CENPF: variants seen among roughly 807,000 people sequenced by gnomAD.
CENPF encodes the protein centromere protein F, also known as AH antigen.
Under a neutral mutation model 307.3 loss-of-function variants are expected in CENPF, and 214 were observed. The ratio of observed to expected loss-of-function variants is 0.70; its 90% CI spans 0.62 to 0.78. The LOEUF is 0.78. Ranked by LOEUF, CENPF falls within the 30% of genes least tolerant of loss-of-function variation. CENPF has a pLI of 0.00. For missense variants in CENPF, 3,401 were observed against 3,483.9 expected (o/e 0.98, Z 0.60); for synonymous variants, 1,259 against 1,270.6 (o/e 0.99, Z 0.19).
Position 214,618,580 on chromosome 1 carries a change from T to G in CENPF, c.367T>G (p.Ser123Ala). Residue 123 changes from serine (S) to alanine (A), a missense_variant, in exon 4 of 20, where the codon TCT becomes GCT. Ser to Ala is a moderately conservative substitution (Grantham distance 99). Transcript: ENST00000366955. ...KLEQELKRCK[S>A]ELERSQQAAQ... The stretch of plus-strand genomic sequence containing the variant: ...TGGGTCCTTTTCTAACAGGTGTAAA[T>G]CTGAGCTTGAAAGAAGCCAACAAGC... The G allele has an allele frequency of 6.2e-7, 1 of 1,614,038 alleles. No individual in the cohort carries two copies. The highest frequency in any genetic ancestry group is 8.5e-7 in the Non-Finnish European group (1 of 1,179,952).
At chr1:214,604,779 C>T (rs916342382) in intron 1 of CENPF, among the ~76,000 whole-genome samples, 4 of 151,908 alleles carry the variant, frequency 2.6e-5, no homozygotes, top group Non-Finnish European at 5.9e-5. Context: ...GCATGTGACT[C>T]CTTTCAGTAG....
In CENPF at chr1:214,647,120, T is replaced by C; in HGVS notation, c.7550T>C (p.Leu2517Pro). The change falls in exon 13 of 20, where the codon CTG becomes CCG. Residue 2517 changes from leucine to proline, a missense_variant. Leu to Pro is a moderately conservative substitution (Grantham distance 98, BLOSUM62 -3). Transcript: ENST00000366955. ...IQEVEDGKQK[L>P]EKKDEEISRL... ...GAAGTAGAAGATGGCAAGCAGAAAC[T>C]GGAGAAGAAGGATGAAGAAATCAGT... 1.2e-6 allele frequency: 2 copies of C among 1,614,008 alleles called. No individual in the cohort carries two copies. The highest frequency in any genetic ancestry group is 8.5e-7 in the Non-Finnish European group (1 of 1,179,966).
At position 214,645,587 on chromosome 1, in the gene CENPF, A is replaced by G. The variant is rs1658269879; in HGVS notation, c.6017A>G (p.Glu2006Gly). 1 of 1,614,160 alleles carries G rather than the reference A, an allele frequency of 6.2e-7. No individual in the cohort carries two copies. The highest frequency in any genetic ancestry group is 1.3e-5 in the African/African-American group (1 of 75,042). The part of the protein sequence containing the change: ...SECLHCIQVA[E>G]AEVKEKTELL... ...TGTCTCCATTGCATTCAGGTGGCAG[A>G]GGCAGAGGTGAAGGAAAAGACGGAA... is the stretch of plus-strand genomic sequence containing the variant. Residue 2006 changes from glutamate (E) to glycine (G), a missense_variant, in exon 13 of 20, where the codon GAG becomes GGG. Physicochemically the swap from Glu to Gly is moderately conservative, Grantham distance 98 (BLOSUM62 -2). Coordinates refer to ENST00000366955, the MANE Select transcript of CENPF (RefSeq NM_016343.4).
intron 1 of CENPF, chr1:214,603,537 T>C (rs2809588): frequency 0.24 from 35,768 of 152,098 alleles, 7,371 homozygotes; most frequent in African/African-American, 0.56. Flanking sequence ...GTCTGCGCCC[T>C]TCTGCTCGGG....
At position 214,657,348 on chromosome 1, in the gene CENPF, T is replaced by G; in HGVS notation, c.8901T>G (p.Pro2967=). The change falls in exon 18 of 20, where the codon CCT becomes CCG. Residue 2967 remains proline (P), a synonymous_variant. Transcript: ENST00000366955. ...SKKAVMSGIH[P]AEDTEGTEFE... is the part of the protein sequence containing the mutation. ...AAGCAGTCATGAGTGGTATTCACCCTGCAGAAGACACGGAAGGTACTGAGT... is the reference window on the plus strand; with the variant it reads ...AAGCAGTCATGAGTGGTATTCACCCGGCAGAAGACACGGAAGGTACTGAGT... The G allele has an allele frequency of 6.2e-7, 1 of 1,613,244 alleles. No individual in the cohort carries two copies. Among genetic ancestry groups the G allele is most frequent in the Non-Finnish European group, 8.5e-7 (1 of 1,180,034 alleles).
chr1:214,638,337 A>G (rs533738506), intron 11 of CENPF, among the ~76,000 whole-genome samples: 93 of 152,280 alleles, frequency 6.1e-4, no homozygotes, highest in African/African-American at 2.2e-3. Flanking sequence ...TGTGCTTGTT[A>G]GTTACATCCA....
At position 214,640,124 on chromosome 1, in the gene CENPF, A is replaced by G. The variant is rs770654947; in HGVS notation, c.1786A>G (p.Lys596Glu). The G allele has an allele frequency of 1.3e-6, 2 of 1,586,878 alleles. No individual in the cohort carries two copies. The highest frequency in any genetic ancestry group is 1.7e-6 in the Non-Finnish European group (2 of 1,172,918). Residue 596 changes from lysine to glutamate, a missense_variant, in exon 12 of 20, where the codon AAA becomes GAA. Transcript: ENST00000366955. Reference sequence around the variant, plus strand: ...GTTAAGCAAGACAGAGAAAGAGTCCAAAGCCTTGCTGAGTGCTTTAGAGTT... The same window carrying G: ...GTTAAGCAAGACAGAGAAAGAGTCCGAAGCCTTGCTGAGTGCTTTAGAGTT... Reference protein sequence around the residue: ...DKLSKTEKESKALLSALELKK... With the variant: ...DKLSKTEKESEALLSALELKK...
chr1:214,620,814 T>C lies in CENPF; in HGVS notation c.733T>C (p.Tyr245His). 6.2e-7 allele frequency: 1 copy of C among 1,614,206 alleles called. No homozygotes were observed. Among genetic ancestry groups the C allele is most frequent in the Non-Finnish European group, 8.5e-7 (1 of 1,180,040 alleles). The change falls in exon 6 of 20, where the codon TAC becomes CAC. Residue 245 changes from tyrosine (Y) to histidine (H), a missense_variant. Transcript: ENST00000366955. ...AATTAGGAGAGATTTCTCTGCATCT[T>C]ACTTTTCTGGGGAACAAGAGGTGAC... ...TPIRRDFSAS[Y>H]FSGEQEVTPS...
At chr1:214,626,578 A>AT (rs1214792399) in intron 7 of CENPF, among the ~76,000 whole-genome samples, 1 of 152,160 alleles carries the variant, frequency 6.6e-6, no homozygotes, top group Non-Finnish European at 1.5e-5. Context: ...CGTAATAGTA[A>AT]TTTGGTCTTT....
rs776896951 is a variant in CENPF at position 214,642,400 on chromosome 1, T to G, written c.4062T>G (p.Gly1354=). 1.2e-6 allele frequency: 2 copies of G among 1,605,532 alleles called. No homozygotes were observed. The highest frequency in any genetic ancestry group is 1.7e-6 in the Non-Finnish European group (2 of 1,176,412). Residue 1354 remains glycine (G), a synonymous_variant, in exon 12 of 20, where the codon GGT becomes GGG. Transcript: ENST00000366955. The part of the protein sequence containing the change: ...NEVKILNDDS[G]LLHGELVEDI... ...TTAAAATATTAAATGATGACAGTGG[T>G]CTTCTCCATGGTGAGTTAGTGGAAG... is the stretch of plus-strand genomic sequence containing the variant.
intron 1 of CENPF, chr1:214,613,505 A>G (rs534693669): frequency 3.2e-6 from 1 of 312,172 alleles, no homozygotes; most frequent in Non-Finnish European, 5.8e-6. Context: ...CAGAAAGCAA[A>G]GGGAAACTAA....
intron 3 of CENPF, among the ~76,000 whole-genome samples, chr1:214,617,600 T>C (rs965762845): frequency 2.6e-5 from 4 of 152,222 alleles, no homozygotes; most frequent in African/African-American, 4.8e-5. Flanking sequence ...AACTTATGTT[T>C]CCCATTTCTT....
In CENPF at chr1:214,606,343, C is replaced by T. The variant is rs749186007; in HGVS notation, c.-42+3022C>T. On this transcript the variant is annotated intron_variant, in intron 1 of 19. Coordinates refer to ENST00000366955, the MANE Select transcript of CENPF (RefSeq NM_016343.4). ...TCCTAGCTAGGATCTGTAGGGATCC[C>T]GCCTACGGAGTGGCCCTGGGGCGGA... is the stretch of plus-strand genomic sequence containing the variant. Among the ~76,000 whole-genome samples, 10 of 152,170 alleles carry T rather than the reference C, an allele frequency of 6.6e-5. No individual in the cohort carries two copies. The South Asian group carries it at 1.0e-3, about 16-fold the overall frequency.
At chr1:214,630,783 C>G (rs2102548454) in intron 9 of CENPF, 121 bp downstream of exon 9, 1 of 1,253,650 alleles carries the variant, frequency 8.0e-7, no homozygotes, top group East Asian at 2.4e-5. Context: ...CTTCACTTTC[C>G]CTATCAAAGT....
chr1:214,626,297 CCTT>C (rs1296285812), intron 7 of CENPF, among the ~76,000 whole-genome samples: 2 of 152,150 alleles, frequency 1.3e-5, no homozygotes, highest in Non-Finnish European at 2.9e-5. Flanking sequence ...AGTCAGTCTG[CCTT>C]CTTCTCTCCA....
chr1:214,623,147 G>T (rs550131464), intron 7 of CENPF, among the ~76,000 whole-genome samples: 9 of 152,276 alleles, frequency 5.9e-5, no homozygotes, highest in East Asian at 1.9e-4. Flanking sequence ...GAAGGCAAAG[G>T]TTGCAGTGAG....
In CENPF at chr1:214,657,918, A is replaced by T. The variant is rs116048847; in HGVS notation, c.8962+509A>T. Among the ~76,000 whole-genome samples the T allele has an allele frequency of 7.2e-3, 1,103 of 152,316 alleles. 17 individuals carry two copies. Among genetic ancestry groups the T allele is most frequent in the African/African-American group, 0.025 (1,024 of 41,568 alleles). On this transcript the variant is annotated intron_variant, in intron 18 of 19. Transcript: ENST00000366955. ...GTTCCCAACTGAAACAATGTATTGT[A>T]ATTAAGTAGGAATTTAGAAATTTTC... is the stretch of plus-strand genomic sequence containing the variant.
intron 7 of CENPF, 56 bp downstream of exon 7, chr1:214,622,337 TAGAA>T: frequency 7.4e-7 from 1 of 1,352,604 alleles, no homozygotes; most frequent in South Asian, 1.3e-5. Flanking sequence ...TACAATTATT[TAGAA>T]AGAGTATTTT....
intron 1 of CENPF, among the ~76,000 whole-genome samples, chr1:214,612,016 T>G (rs994225538): frequency 2.0e-5 from 3 of 152,174 alleles, no homozygotes; most frequent in Admixed American, 2.0e-4. Context: ...TCCAATAGTA[T>G]GTTGAATAGG....
Sources: gnomAD v4.1 joint callset for allele counts (sites outside exome capture counted in the v4.1 genomes callset) on GRCh38, gnomAD v4.1.1 for gene constraint, MANE v1.5 for transcripts, NCBI Gene and HGNC (gene_info 2026-07-23, HGNC 2026-07-21) for gene names.